ALK: variants seen among roughly 807,000 people sequenced by gnomAD.
The protein encoded by ALK is ALK tyrosine kinase receptor.
A neutral mutation model predicts 163.1 loss-of-function variants in ALK; 74 were observed. The ratio of observed to expected loss-of-function variants is 0.45; its 90% confidence interval spans 0.38 to 0.55. ALK has a LOEUF of 0.55. Ranked by LOEUF, ALK falls within the 20% of genes least tolerant of loss-of-function variation. The probability of loss-of-function intolerance (pLI) is 0.00; values close to 1 mark genes in which losing one functional copy is unlikely to be tolerated. For missense variants in ALK, 2,063 were observed against 2,105.3 expected (o/e 0.98, Z 0.39); for synonymous variants, 960 against 843.2 (o/e 1.14, Z -2.40).
At chr2:29,425,529 G>A (rs1252401409) in intron 4 of ALK, among the ~76,000 whole-genome samples, 1 of 152,286 alleles carries the variant, frequency 6.6e-6, no homozygotes, top group South Asian at 2.1e-4. Flanking sequence ...GGCTCCAGTT[G>A]CCCTCACCAC....
At chr2:29,693,622 G>A (rs1341173558) in intron 3 of ALK, among the ~76,000 whole-genome samples, 2 of 152,310 alleles carry the variant, frequency 1.3e-5, no homozygotes, top group East Asian at 3.9e-4. Flanking sequence ...ATAAGCCTGA[G>A]AGCATTAATT....
intron 3 of ALK, among the ~76,000 whole-genome samples, chr2:29,635,712 C>T (rs577377644): frequency 6.6e-6 from 1 of 151,978 alleles, no homozygotes; most frequent in Non-Finnish European, 1.5e-5. Flanking sequence ...AAGTGATTCT[C>T]ATGCCTCAGA....
At chr2:29,292,624 G>C (rs1666062024) in intron 9 of ALK, among the ~76,000 whole-genome samples, 2 of 152,180 alleles carry the variant, frequency 1.3e-5, no homozygotes, top group Admixed American at 1.3e-4. Context: ...ATTTGAATTG[G>C]TGTTGTCCTT....
rs2148188914 is a variant in ALK at position 29,239,838 on chromosome 2, G to C, written c.2205-8C>G. The C allele has an allele frequency of 1.2e-6, 2 of 1,612,744 alleles. No individual in the cohort carries two copies. Among genetic ancestry groups the C allele is most frequent in the Non-Finnish European group, 1.7e-6 (2 of 1,179,544 alleles). On this transcript the variant is annotated splice_polypyrimidine_tract_variant and splice_region_variant and intron_variant, in intron 12 of 28. Transcript: ENST00000389048. ...GCTCCGTAGCCCGAGATGCTGCAATGGGACAAAGAACGTTGGCTCCCGCTG... is the reference window on the plus strand; with the variant it reads ...GCTCCGTAGCCCGAGATGCTGCAATCGGACAAAGAACGTTGGCTCCCGCTG...
At chr2:29,470,877 T>G (rs539684022) in intron 4 of ALK, among the ~76,000 whole-genome samples, 2 of 152,268 alleles carry the variant, frequency 1.3e-5, no homozygotes, top group South Asian at 4.1e-4. Flanking sequence ...TCTTCAGATA[T>G]GTAAAATATG....
chr2:29,331,957 C>A (rs924510676), intron 5 of ALK, among the ~76,000 whole-genome samples: 12 of 151,978 alleles, frequency 7.9e-5, no homozygotes. Flanking sequence ...GACCTTATTA[C>A]CCTCACTCCC....
intron 3 of ALK, among the ~76,000 whole-genome samples, chr2:29,641,854 A>C (rs926103366): frequency 6.6e-6 from 1 of 152,196 alleles, no homozygotes; most frequent in Non-Finnish European, 1.5e-5. Flanking sequence ...ACTTTTCTTC[A>C]TGGAATTCAA....
At chr2:29,383,906 T>G (rs917364545) in intron 4 of ALK, 47 bp from the exon 5 acceptor site, 9 of 1,612,574 alleles carry the variant, frequency 5.6e-6, no homozygotes, top group African/African-American at 1.3e-5. Flanking sequence ...GAAACAGATA[T>G]GAGAATTAGG....
chr2:29,605,554 T>A (rs1307464421), intron 3 of ALK, among the ~76,000 whole-genome samples: 1 of 152,140 alleles, frequency 6.6e-6, no homozygotes, highest in East Asian at 1.9e-4. Flanking sequence ...GCCCTCATAA[T>A]GGGATTAGTG....
intron 1 of ALK, among the ~76,000 whole-genome samples, chr2:29,886,203 A>T (rs1189472924): frequency 6.6e-6 from 1 of 152,224 alleles, no homozygotes; most frequent in Non-Finnish European, 1.5e-5. Flanking sequence ...AAATACACAT[A>T]ATATGCAAAG....
intron 9 of ALK, among the ~76,000 whole-genome samples, chr2:29,277,493 A>C (rs972622289): frequency 3.3e-5 from 5 of 152,240 alleles, no homozygotes; most frequent in African/African-American, 1.2e-4. Flanking sequence ...CCATCTTGTG[A>C]GATCTGGTCA....
At position 29,296,836 on chromosome 2, in the gene ALK, T is replaced by C. The variant is rs1666196565; in HGVS notation, c.1817+52A>G. On this transcript the variant is annotated intron_variant, in intron 9 of 28. Coordinates refer to ENST00000389048, the MANE Select transcript of ALK (RefSeq NM_004304.5). ...GGAAAGGGAAGGCATGATTTCTTTT[T>C]CATTTTAGCTGATAGAGGAGAAGGG... The C allele has an allele frequency of 3.7e-6, 6 of 1,611,928 alleles. No homozygotes were observed. The South Asian group carries it at 6.6e-5, about 18-fold the overall frequency.
chr2:29,418,549 C>T (rs1049886940), intron 4 of ALK, among the ~76,000 whole-genome samples: 2 of 152,140 alleles, frequency 1.3e-5, no homozygotes, highest in African/African-American at 2.4e-5. Flanking sequence ...TCTTACCCTC[C>T]CACCTTTTGG....
At chr2:29,670,021 G>T (rs181574882) in intron 3 of ALK, among the ~76,000 whole-genome samples, 1 of 152,062 alleles carries the variant, frequency 6.6e-6, no homozygotes, top group Admixed American at 6.6e-5. Context: ...TGTCTTTTGG[G>T]CCTCATATTA....
At chr2:29,564,646 C>T (rs1397724919) in intron 3 of ALK, among the ~76,000 whole-genome samples, 2 of 152,168 alleles carry the variant, frequency 1.3e-5, no homozygotes, top group Non-Finnish European at 2.9e-5. Flanking sequence ...AAAAGGCACT[C>T]ATATTTGCAG....
At chr2:29,647,668 C>T (rs1386763844) in intron 3 of ALK, among the ~76,000 whole-genome samples, 1 of 152,052 alleles carries the variant, frequency 6.6e-6, no homozygotes, top group African/African-American at 2.4e-5. Context: ...CCCGTCCATA[C>T]ACTTAGCTTG....
chr2:29,358,572 G>A (rs1435074940), intron 5 of ALK, among the ~76,000 whole-genome samples: 1 of 152,192 alleles, frequency 6.6e-6, no homozygotes, highest in Non-Finnish European at 1.5e-5. Context: ...CCCAAGTGCT[G>A]TAGAGGAGGC....
At chr2:29,875,493 G>T (rs575026174) in intron 1 of ALK, among the ~76,000 whole-genome samples, 2 of 152,070 alleles carry the variant, frequency 1.3e-5, no homozygotes, top group Non-Finnish European at 2.9e-5. Context: ...GTATACCTGT[G>T]CCACGGTGGT....
intron 3 of ALK, among the ~76,000 whole-genome samples, chr2:29,561,077 T>A (rs182713020): frequency 6.6e-6 from 1 of 152,222 alleles, no homozygotes; most frequent in African/African-American, 2.4e-5. Context: ...CATGTTGAAA[T>A]AATATTTTGG....
Sources: gnomAD v4.1 joint callset for allele counts (sites outside exome capture counted in the v4.1 genomes callset) on GRCh38, gnomAD v4.1.1 for gene constraint, MANE v1.5 for transcripts, NCBI Gene and HGNC (gene_info 2026-07-23, HGNC 2026-07-21) for gene names.